LRRC4C: variants seen among roughly 807,000 people sequenced by gnomAD.
LRRC4C encodes leucine rich repeat containing 4C, also known as leucine-rich repeat-containing protein 4C.
Under a neutral mutation model 33.6 loss-of-function variants are expected in LRRC4C, and 5 were observed. The observed-to-expected ratio is 0.15, with a 90% confidence interval of 0.08 to 0.31. The LOEUF is 0.31. Among genes scored for constraint, LRRC4C ranks in the 10% least tolerant of loss-of-function variants. The probability of loss-of-function intolerance (pLI) is 1.00; values close to 1 mark genes in which losing one functional copy is unlikely to be tolerated. For synonymous variants in LRRC4C, 329 were observed against 302.0 expected, an observed-to-expected ratio of 1.09 and a Z score of -0.93; for missense variants, 560 against 796.7, an observed-to-expected ratio of 0.70 and a Z score of 3.58.
intron 2 of LRRC4C, among the ~76,000 whole-genome samples, chr11:40,770,452 A>C (rs757672762): frequency 6.6e-6 from 1 of 152,186 alleles, no homozygotes; most frequent in South Asian, 2.1e-4. Context: ...TGAGATTTTG[A>C]TGGGGATGCA....
intron 1 of LRRC4C, among the ~76,000 whole-genome samples, chr11:41,289,546 G>C (rs902060315): frequency 6.6e-6 from 1 of 152,118 alleles, no homozygotes; most frequent in African/African-American, 2.4e-5. Flanking sequence ...ACATGGCAGA[G>C]AGTTCTCCCC....
At chr11:40,467,714 A>C (rs1952719624) in intron 3 of LRRC4C, among the ~76,000 whole-genome samples, 1 of 152,202 alleles carries the variant, frequency 6.6e-6, no homozygotes, top group Admixed American at 6.6e-5. Context: ...TGCTATTTTC[A>C]AAATTCTAAC....
chr11:40,645,663 C>G (rs1942406006), intron 3 of LRRC4C, among the ~76,000 whole-genome samples: 1 of 152,156 alleles, frequency 6.6e-6, no homozygotes, highest in South Asian at 2.1e-4. Context: ...GGTACCCCAT[C>G]CTCAGAAATG....
chr11:40,713,146 A>G (rs910781771), intron 2 of LRRC4C, among the ~76,000 whole-genome samples: 2 of 151,020 alleles, frequency 1.3e-5, no homozygotes, highest in East Asian at 1.9e-4. Context: ...CACCCACCTT[A>G]GCCTCCCAAA....
chr11:41,339,449 C>A (rs1380542320), intron 1 of LRRC4C, among the ~76,000 whole-genome samples: 2 of 152,034 alleles, frequency 1.3e-5, no homozygotes, highest in African/African-American at 4.8e-5. Context: ...CAGCAATAGG[C>A]CAAATGAAAT....
intron 1 of LRRC4C, among the ~76,000 whole-genome samples, chr11:41,271,782 GAA>G (rs934661821): frequency 6.6e-5 from 10 of 151,762 alleles, no homozygotes; most frequent in African/African-American, 2.4e-4. Flanking sequence ...ATAGTAGGTT[GAA>G]AAAAAAGTGT....
At chr11:40,196,171 C>G (rs1397204996) in intron 5 of LRRC4C, among the ~76,000 whole-genome samples, 1 of 152,120 alleles carries the variant, frequency 6.6e-6, no homozygotes, top group South Asian at 2.1e-4. Flanking sequence ...GGCAAATGCA[C>G]ACAGGCTTTA....
At chr11:40,563,410 G>A (rs1340691017) in intron 3 of LRRC4C, among the ~76,000 whole-genome samples, 3 of 152,136 alleles carry the variant, frequency 2.0e-5, no homozygotes, top group African/African-American at 7.2e-5. Flanking sequence ...ACACTGGAAA[G>A]GTCTGAGAGT....
At chr11:40,204,422 T>A (rs1322709258) in intron 5 of LRRC4C, among the ~76,000 whole-genome samples, 1 of 152,104 alleles carries the variant, frequency 6.6e-6, no homozygotes, top group African/African-American at 2.4e-5. Flanking sequence ...AGAAAACATG[T>A]AATTATAAAT....
chr11:40,992,498 C>A (rs2137268941), intron 1 of LRRC4C, among the ~76,000 whole-genome samples: 1 of 151,756 alleles, frequency 6.6e-6, no homozygotes, highest in South Asian at 2.1e-4. Context: ...TAACATCAGC[C>A]ATTCTGAGAA....
Position 40,337,174 on chromosome 11 carries a change from G to A in LRRC4C, c.-269-17453C>T, listed in dbSNP as rs570857146. Among the ~76,000 whole-genome samples the A allele has an allele frequency of 2.0e-4, 30 of 152,176 alleles. No individual in the cohort carries two copies. In the East Asian group the frequency reaches 3.5e-3, roughly 18 times the overall value. On this transcript the variant is annotated intron_variant, in intron 3 of 6. Coordinates refer to ENST00000528697, the MANE Select transcript of LRRC4C (RefSeq NM_001258419.2). ...AAGAGCAAAACCCTGACGTAGCAAAGTGCTTGGAATTTTCACAGCTTCATG... is the reference window on the plus strand; with the variant it reads ...AAGAGCAAAACCCTGACGTAGCAAAATGCTTGGAATTTTCACAGCTTCATG...
intron 4 of LRRC4C, among the ~76,000 whole-genome samples, chr11:40,275,456 A>G (rs879752598): frequency 6.6e-6 from 1 of 152,150 alleles, no homozygotes; most frequent in East Asian, 1.9e-4. Context: ...ACTACAGAAC[A>G]TAAAAGCAGG....
intron 2 of LRRC4C, among the ~76,000 whole-genome samples, chr11:40,746,032 C>T (rs1948400005): frequency 6.6e-6 from 1 of 152,044 alleles, no homozygotes. Context: ...CACTGGAATT[C>T]AACAGAAAAG....
intron 1 of LRRC4C, among the ~76,000 whole-genome samples, chr11:41,026,450 T>C (rs974933828): frequency 2.6e-5 from 4 of 151,620 alleles, no homozygotes; most frequent in Non-Finnish European, 5.9e-5. Context: ...TTCTTACGTA[T>C]GAGCAAAGAA....
At chr11:41,279,308 G>A (rs1217753293) in intron 1 of LRRC4C, among the ~76,000 whole-genome samples, 1 of 150,946 alleles carries the variant, frequency 6.6e-6, no homozygotes, top group Admixed American at 6.6e-5. Context: ...CATGACCGAA[G>A]GAAGCCTGCT....
At chr11:40,853,797 C>T (rs191982168) in intron 2 of LRRC4C, among the ~76,000 whole-genome samples, 2 of 152,256 alleles carry the variant, frequency 1.3e-5, no homozygotes, top group Admixed American at 6.5e-5. Context: ...AGAACTGAGT[C>T]AGTTGCCGTG....
At chr11:40,145,391 A>C (rs1387733321) in intron 5 of LRRC4C, among the ~76,000 whole-genome samples, 1 of 152,136 alleles carries the variant, frequency 6.6e-6, no homozygotes, top group East Asian at 1.9e-4. Flanking sequence ...ATCTATGGAA[A>C]TCCTTTTCAG....
intron 2 of LRRC4C, among the ~76,000 whole-genome samples, chr11:40,854,590 T>C (rs1431376831): frequency 1.3e-5 from 2 of 152,100 alleles, no homozygotes; most frequent in Admixed American, 6.6e-5. Context: ...TAAGTAGTTA[T>C]GATACTGTTT....
chr11:40,892,121 C>T (rs955473077), intron 2 of LRRC4C, among the ~76,000 whole-genome samples: 10 of 112,762 alleles, frequency 8.9e-5, no homozygotes, highest in East Asian at 5.1e-4. Context: ...GGCGACAGTG[C>T]GAGATTGTGT....
Sources: gnomAD v4.1 joint callset for allele counts (sites outside exome capture counted in the v4.1 genomes callset) on GRCh38, gnomAD v4.1.1 for gene constraint, MANE v1.5 for transcripts, NCBI Gene and HGNC (gene_info 2026-07-23, HGNC 2026-07-21) for gene names.